HIPK1: variants seen among roughly 807,000 people sequenced by gnomAD.
The protein encoded by HIPK1 is homeodomain interacting protein kinase 1.
HIPK1 carries 28 observed loss-of-function variants against 117.1 expected under a neutral mutation model. The observed-to-expected ratio is 0.24, with a 90% CI of 0.18 to 0.33. The LOEUF is 0.33. Ranked by LOEUF, HIPK1 falls within the 10% of genes least tolerant of loss-of-function variation. The pLI is 1.00. For missense variants in HIPK1, 1,122 were observed against 1,475.1 expected (o/e 0.76, Z 3.92); for synonymous variants, 605 against 562.5 (o/e 1.08, Z -1.07).
At chr1:113,946,712 A>G (rs1011645189) in intron 2 of HIPK1, among the ~76,000 whole-genome samples, 5 of 152,246 alleles carry the variant, frequency 3.3e-5, no homozygotes, top group Non-Finnish European at 4.4e-5. Flanking sequence ...GTTGTTGACT[A>G]TAATTTTAAG....
At position 113,958,199 on chromosome 1, in the gene HIPK1, A is replaced by G. The variant is rs756376424; in HGVS notation, c.1889A>G (p.Gln630Arg). Residue 630 changes from glutamine (Q) to arginine (R), a missense_variant, in exon 8 of 16, where the codon CAG (glutamine) becomes CGG (arginine). Gln to Arg is a conservative substitution (Grantham distance 43, BLOSUM62 1). This residue lies in a region of HIPK1 where 731 missense variants were observed against 860.4 expected (regional missense o/e 0.85). Coordinates refer to ENST00000426820, the MANE Select transcript of HIPK1 (RefSeq NM_198268.3). ...GCACCAGTTCCTGGAGTTGCCCAGC[A>G]GGGTGTTTCCTTGCAGCCTGGAACC... is the stretch of plus-strand genomic sequence containing the variant. Reference protein sequence around the residue: ...SAAPVPGVAQQGVSLQPGTTQ... With the variant: ...SAAPVPGVAQRGVSLQPGTTQ... 10 of 1,614,080 alleles carry G rather than the reference A, an allele frequency of 6.2e-6. No homozygotes were observed. The highest frequency in any genetic ancestry group is 7.6e-6 in the Non-Finnish European group (9 of 1,180,030).
At chr1:113,947,988 G>T (rs957664009) in intron 2 of HIPK1, among the ~76,000 whole-genome samples, 4 of 152,150 alleles carry the variant, frequency 2.6e-5, no homozygotes, top group African/African-American at 4.8e-5. Context: ...ACACAAATGA[G>T]GTAGAACCAG....
At position 113,938,941 on chromosome 1, in the gene HIPK1, C is replaced by T. The variant is rs199624390; in HGVS notation, c.-2-1441C>T. Among the ~76,000 whole-genome samples, 66 of 84,966 alleles carry T rather than the reference C, an allele frequency of 7.8e-4. 1 individual carries two copies. The highest frequency in any genetic ancestry group is 1.4e-3 in the African/African-American group (32 of 22,818). The allele number at this position is 84,966 out of a possible 152,430, so 55.7% of individuals were successfully genotyped here. On this transcript the variant is annotated intron_variant, in intron 1 of 15. Transcript: ENST00000426820. ...AAAAAAAAAAAAATACACACACACACACACACACACACACACACACACTTA... is the reference window on the plus strand; with the variant it reads ...AAAAAAAAAAAAATACACACACACATACACACACACACACACACACACTTA...
intron 13 of HIPK1, 77 bp downstream of exon 13, chr1:113,968,725 T>C: frequency 1.6e-6 from 2 of 1,236,510 alleles, no homozygotes; most frequent in Non-Finnish European, 2.4e-6. Flanking sequence ...GTTTGGCCTG[T>C]GAAAGAAAGG....
intron 8 of HIPK1, among the ~76,000 whole-genome samples, chr1:113,960,811 G>A (rs773234898): frequency 2.6e-5 from 4 of 152,040 alleles, no homozygotes; most frequent in Non-Finnish European, 4.4e-5. Flanking sequence ...TATTTTGTAC[G>A]TTGCTGGATT....
chr1:113,943,104 A>G (rs1670757968), intron 2 of HIPK1, among the ~76,000 whole-genome samples: 1 of 152,252 alleles, frequency 6.6e-6, no homozygotes. Flanking sequence ...AGATGTTTAT[A>G]ATAGGAAATT....
intron 2 of HIPK1, chr1:113,951,189 TG>T (rs767433919): frequency 6.2e-6 from 6 of 962,270 alleles, no homozygotes; most frequent in Non-Finnish European, 7.4e-6. Flanking sequence ...TTGCTATTAG[TG>T]TTACCTATTA....
At chr1:113,934,989 C>CAA (rs752015521) in intron 1 of HIPK1, among the ~76,000 whole-genome samples, 53 of 67,654 alleles carry the variant, frequency 7.8e-4, no homozygotes, top group Middle Eastern at 8.8e-3. Context: ...GAACCTGTCT[C>CAA]AAAAAAAAAA....
intron 2 of HIPK1, among the ~76,000 whole-genome samples, chr1:113,942,997 A>G (rs1249491336): frequency 6.6e-6 from 1 of 152,242 alleles, no homozygotes. Context: ...TAAGAATTTT[A>G]TATTATGTGT....
At chr1:113,962,525 G>C in intron 9 of HIPK1, 87 bp downstream of exon 9, 1 of 1,324,276 alleles carries the variant, frequency 7.6e-7, no homozygotes, top group East Asian at 2.5e-5. Flanking sequence ...TATTTCCTTT[G>C]ACTATAAGAT....
Position 113,975,888 on chromosome 1 carries a change from A to C in HIPK1, c.*2376A>C, listed in dbSNP as rs1285924054. The C allele has an allele frequency of 3.3e-5, 5 of 152,718 alleles. No homozygotes were observed. The highest frequency in any genetic ancestry group is 7.3e-5 in the Non-Finnish European group (5 of 68,056). 9.5% of individuals were successfully genotyped at this position (152,718 alleles called of 1,614,324 possible). A position where few individuals can be genotyped will look rare whatever the true frequency, so the allele number is the denominator to read the frequency against. On this transcript the variant is annotated 3_prime_UTR_variant, in exon 16 of 16. Coordinates refer to ENST00000426820, the MANE Select transcript of HIPK1 (RefSeq NM_198268.3). ...AGTAGAAGGTACTGGGGATGGGGAC[A>C]TTCCTGCCCATAAAGGATTTGGGGA... is the stretch of plus-strand genomic sequence containing the variant.
intron 1 of HIPK1, among the ~76,000 whole-genome samples, chr1:113,939,327 G>GTTT (rs71090749): frequency 6.9e-6 from 1 of 145,752 alleles, no homozygotes; most frequent in Non-Finnish European, 1.5e-5. Flanking sequence ...TTTTTTTTCT[G>GTTT]TTTTTTTTTT....
In HIPK1 at chr1:113,941,036, T is replaced by C; in HGVS notation, c.653T>C (p.Ile218Thr). 6.2e-7 allele frequency: 1 copy of C among 1,614,170 alleles called. No homozygotes were observed. Residue 218 changes from isoleucine to threonine, a missense_variant, in exon 2 of 16, where the codon ATT becomes ACT. By Grantham distance (89) the Ile-to-Thr change is moderately conservative. Around this residue, in one of 6 missense-constraint regions of HIPK1, gnomAD observed 62 missense variants for 121.5 expected, o/e 0.51. Transcript: ENST00000426820. The surrounding 1 kb of genome is among the most constrained non-coding windows in gnomAD (Gnocchi z 4.9). ...AGGAGCACCAAGGAAATTGTGGCTA[T>C]TAAAATCTTGAAGAACCACCCCTCC... ...WKRSTKEIVA[I>T]KILKNHPSYA...
chr1:113,951,248 T>A (rs1671343780), intron 2 of HIPK1: 5 of 984,988 alleles, frequency 5.1e-6, no homozygotes, highest in Non-Finnish European at 6.0e-6. Context: ...AGTTTGACAA[T>A]TGCCCTTGTA....
At chr1:113,955,508 A>G in intron 4 of HIPK1, 55 bp from the exon 5 acceptor site, 1 of 1,104,588 alleles carries the variant, frequency 9.1e-7, no homozygotes, top group Non-Finnish European at 1.4e-6. Flanking sequence ...GTTTTGAATA[A>G]AATGTGAAAA....
intron 6 of HIPK1, 55 bp downstream of exon 6, chr1:113,956,866 C>T: frequency 6.7e-7 from 1 of 1,498,754 alleles, no homozygotes; most frequent in Non-Finnish European, 9.2e-7. Flanking sequence ...TGAGTTACCG[C>T]CTTATCAATG....
At position 113,973,417 on chromosome 1, in the gene HIPK1, G is replaced by C. The variant is rs543522399; in HGVS notation, c.3538G>C (p.Ala1180Pro). 3.1e-6 allele frequency: 5 copies of C among 1,614,102 alleles called. No individual in the cohort carries two copies. Among genetic ancestry groups the C allele is most frequent in the Non-Finnish European group, 4.2e-6 (5 of 1,179,990 alleles). ...VAPAQYQHQF[A>P]TQSYIGSSRG... Reference sequence around the variant, plus strand: ...CCCTGCTCAGTACCAACACCAGTTTGCCACCCAATCCTACATTGGGTCTTC... The same window carrying C: ...CCCTGCTCAGTACCAACACCAGTTTCCCACCCAATCCTACATTGGGTCTTC... The change falls in exon 16 of 16, where the codon GCC (alanine) becomes CCC (proline). Residue 1180 changes from alanine (A) to proline (P), a missense_variant. By Grantham distance (27) the Ala-to-Pro change is conservative. Around this residue, in one of 6 missense-constraint regions of HIPK1, gnomAD observed 731 missense variants for 860.4 expected, o/e 0.85. Coordinates refer to ENST00000426820, the MANE Select transcript of HIPK1 (RefSeq NM_198268.3).
chr1:113,964,303 T>A (rs1672315759), intron 10 of HIPK1, among the ~76,000 whole-genome samples: 1 of 152,342 alleles, frequency 6.6e-6, no homozygotes, highest in African/African-American at 2.4e-5. Flanking sequence ...AAATACAATA[T>A]CTTTGTTATT....
At chr1:113,933,807 C>T (rs1384875078) in intron 1 of HIPK1, among the ~76,000 whole-genome samples, 2 of 152,100 alleles carry the variant, frequency 1.3e-5, no homozygotes, top group East Asian at 3.9e-4. Flanking sequence ...GTCCAGGCTG[C>T]AGTGAACGAA....
Sources: gnomAD v4.1 joint callset for allele counts (sites outside exome capture counted in the v4.1 genomes callset) on GRCh38, gnomAD v4.1.1 for gene constraint, gnomAD v4.1.1 regional missense constraint, Gnocchi (gnomAD v3.1) non-coding constraint, MANE v1.5 for transcripts, NCBI Gene and HGNC (gene_info 2026-07-23, HGNC 2026-07-21) for gene names.